ARHGEF28: variants seen among roughly 807,000 people sequenced by gnomAD.
ARHGEF28 encodes the protein 190 kDa guanine nucleotide exchange factor.
A neutral mutation model predicts 206.6 loss-of-function variants in ARHGEF28; 152 were observed. The observed-to-expected ratio is 0.74, with a 90% CI of 0.64 to 0.84. The LOEUF (loss-of-function observed/expected upper bound fraction) is 0.84. Among genes scored for constraint, ARHGEF28 ranks in the 40% least tolerant of loss-of-function variants. The probability of loss-of-function intolerance (pLI) is 0.00; values close to 1 mark genes in which losing one functional copy is unlikely to be tolerated. For synonymous variants in ARHGEF28, 763 were observed against 776.4 expected (o/e 0.98, Z 0.29); for missense variants, 2,028 against 2,073.2 (o/e 0.98, Z 0.42).
At chr5:73,850,172 A>G (rs1292712928) in intron 13 of ARHGEF28, among the ~76,000 whole-genome samples, 1 of 151,818 alleles carries the variant, frequency 6.6e-6, no homozygotes. Flanking sequence ...AATGACATAT[A>G]TGCTAGATGT....
intron 9 of ARHGEF28, chr5:73,813,764 A>G: frequency 7.2e-7 from 1 of 1,397,906 alleles, no homozygotes; most frequent in East Asian, 2.5e-5. Context: ...TGTTTTTCCA[A>G]TGTAGCGCGT....
At chr5:73,939,349 G>A (rs560056952) in intron 35 of ARHGEF28, among the ~76,000 whole-genome samples, 2 of 152,196 alleles carry the variant, frequency 1.3e-5, no homozygotes, top group Non-Finnish European at 2.9e-5. Flanking sequence ...TTGTTAGTGA[G>A]TTCCTGGAAT....
At chr5:73,879,415 T>C (rs1307333331) in intron 22 of ARHGEF28, among the ~76,000 whole-genome samples, 1 of 152,210 alleles carries the variant, frequency 6.6e-6, no homozygotes, top group East Asian at 1.9e-4. Flanking sequence ...GGAGCCTTCT[T>C]CTCTCAACTC....
At chr5:73,796,031 G>A (rs969759065) in intron 9 of ARHGEF28, among the ~76,000 whole-genome samples, 4 of 152,162 alleles carry the variant, frequency 2.6e-5, no homozygotes, top group African/African-American at 9.7e-5. Context: ...AACTCCCTGA[G>A]GACCCCTTCC....
At chr5:73,885,205 C>T (rs944468832) in intron 24 of ARHGEF28, among the ~76,000 whole-genome samples, 6 of 151,948 alleles carry the variant, frequency 3.9e-5, no homozygotes, top group African/African-American at 9.7e-5. Context: ...CTGGCTTTGC[C>T]CCACAGCTGG....
At chr5:73,878,545 T>C (rs1444204219) in intron 22 of ARHGEF28, among the ~76,000 whole-genome samples, 2 of 151,912 alleles carry the variant, frequency 1.3e-5, no homozygotes, top group Admixed American at 1.3e-4. Flanking sequence ...TTTGGCATGA[T>C]TTTGCAGCGG....
intron 2 of ARHGEF28, among the ~76,000 whole-genome samples, chr5:73,712,706 T>G (rs182548063): frequency 1.5e-4 from 23 of 152,350 alleles, no homozygotes; most frequent in Admixed American, 1.4e-3. Flanking sequence ...ATTATCAGCA[T>G]GCTTCTATTA....
At chr5:73,901,521 A>C in intron 31 of ARHGEF28, 1 of 353,038 alleles carries the variant, frequency 2.8e-6, no homozygotes, top group Non-Finnish European at 5.4e-6. Flanking sequence ...AAAAAGATTA[A>C]AAACTCTCCT....
At position 73,795,966 on chromosome 5, in the gene ARHGEF28, G is replaced by A. The variant is rs550623264; in HGVS notation, c.1024+575G>A. Among the ~76,000 whole-genome samples, 8 of 152,288 alleles carry A rather than the reference G, an allele frequency of 5.3e-5. No homozygotes were observed. In the South Asian group the frequency reaches 1.7e-3, roughly 32 times the overall value. ...TTCCTCCACCCTTGGCAAGGTAGAG[G>A]TATTTCCTCCCTCTGACCTGGGAAT... On this transcript the variant is annotated intron_variant, in intron 9 of 35. Coordinates refer to ENST00000513042, the MANE Select transcript of ARHGEF28 (RefSeq NM_001177693.2).
At chr5:73,742,400 C>T (rs1751485521) in intron 2 of ARHGEF28, among the ~76,000 whole-genome samples, 2 of 151,804 alleles carry the variant, frequency 1.3e-5, no homozygotes, top group Non-Finnish European at 2.9e-5. Context: ...TTTCACCTGT[C>T]TTATTTTCTT....
At chr5:73,833,772 T>C (rs946461048) in intron 10 of ARHGEF28, among the ~76,000 whole-genome samples, 6 of 152,142 alleles carry the variant, frequency 3.9e-5, no homozygotes, top group Admixed American at 6.5e-5. Flanking sequence ...TGGCGGAAGA[T>C]ACCTCTTCAC....
intron 5 of ARHGEF28, 147 bp from the exon 6 acceptor site, chr5:73,776,369 A>G: frequency 1.6e-6 from 1 of 614,816 alleles, no homozygotes; most frequent in Non-Finnish European, 2.7e-6. Context: ...TGTTTTTATG[A>G]TCTTATGTAT....
chr5:73,926,553 T>C (rs1194891024), intron 35 of ARHGEF28, among the ~76,000 whole-genome samples: 1 of 152,176 alleles, frequency 6.6e-6, no homozygotes, highest in Non-Finnish European at 1.5e-5. Flanking sequence ...CAACTCTCCC[T>C]ACTTTGTGAC....
At chr5:73,693,208 A>G (rs894499676) in intron 2 of ARHGEF28, among the ~76,000 whole-genome samples, 5 of 152,010 alleles carry the variant, frequency 3.3e-5, no homozygotes, top group African/African-American at 1.2e-4. Context: ...ACTGGTAACG[A>G]CCTTCCCCAC....
intron 6 of ARHGEF28, 113 bp from the exon 7 acceptor site, chr5:73,780,563 C>G: frequency 8.8e-7 from 1 of 1,135,738 alleles, no homozygotes; most frequent in South Asian, 1.5e-5. Context: ...CTCTATTTCC[C>G]AACCTCCTAG....
At chr5:73,750,053 C>A in intron 3 of ARHGEF28, 69 bp downstream of exon 3, 2 of 1,561,392 alleles carry the variant, frequency 1.3e-6, no homozygotes, top group South Asian at 2.4e-5. Context: ...GGGCTGTAGG[C>A]CAGGAAGAGA....
chr5:73,810,454 GTT>G (rs1352472687), intron 9 of ARHGEF28, among the ~76,000 whole-genome samples: 2 of 152,160 alleles, frequency 1.3e-5, no homozygotes, highest in East Asian at 3.8e-4. Flanking sequence ...TTTTTATGCA[GTT>G]TTTTTCATCT....
intron 2 of ARHGEF28, among the ~76,000 whole-genome samples, chr5:73,743,990 C>T (rs1426944615): frequency 6.6e-6 from 1 of 152,066 alleles, no homozygotes; most frequent in Non-Finnish European, 1.5e-5. Context: ...TGGCTCTGCT[C>T]CTCACTAGAT....
intron 9 of ARHGEF28, among the ~76,000 whole-genome samples, chr5:73,829,684 C>T (rs1213485506): frequency 6.6e-6 from 1 of 152,010 alleles, no homozygotes; most frequent in Non-Finnish European, 1.5e-5. Flanking sequence ...CTGGCCTTCC[C>T]TTCTACTTTT....
Sources: gnomAD v4.1 joint callset for allele counts (sites outside exome capture counted in the v4.1 genomes callset) on GRCh38, gnomAD v4.1.1 for gene constraint, MANE v1.5 for transcripts, NCBI Gene and HGNC (gene_info 2026-07-23, HGNC 2026-07-21) for gene names.